CEP350: variants seen among roughly 807,000 people sequenced by gnomAD.
CEP350 encodes the protein centrosome-associated protein 350.
In CEP350, 126 loss-of-function variants were observed where a neutral mutation model predicts 331.8. The ratio of observed to expected loss-of-function variants is 0.38; its 90% CI spans 0.33 to 0.44. The LOEUF (loss-of-function observed/expected upper bound fraction) is 0.44. Among genes scored for constraint, CEP350 ranks in the 20% least tolerant of loss-of-function variants. CEP350 has a pLI of 1.00. For synonymous variants in CEP350, 1,200 were observed against 1,259.5 expected (o/e 0.95, Z 1.00); for missense variants, 3,406 against 3,634.6 (o/e 0.94, Z 1.62).
chr1:180,112,028 A>G lies in CEP350; in HGVS notation c.*867A>G, dbSNP rs1279955782. The stretch of plus-strand genomic sequence containing the variant: ...GGAAATAATTCATTTTGGCCTGCAA[A>G]CCTTCAACTCCCATCTTTCCCCAAG... On this transcript the variant is annotated 3_prime_UTR_variant, in exon 38 of 38. Transcript: ENST00000367607. The G allele has an allele frequency of 6.6e-6, 1 of 152,628 alleles. No homozygotes were observed. The allele number at this position is 152,628 out of a possible 1,614,324, so 9.5% of individuals were successfully genotyped here.
At chr1:180,057,217 G>C (rs1251703425) in intron 25 of CEP350, among the ~76,000 whole-genome samples, 2 of 151,450 alleles carry the variant, frequency 1.3e-5, no homozygotes, top group Non-Finnish European at 2.9e-5. Flanking sequence ...TCCTGCCTCA[G>C]CCTCCTGAGT....
At chr1:180,044,940 C>A (rs1657024367) in intron 21 of CEP350, among the ~76,000 whole-genome samples, 1 of 149,368 alleles carries the variant, frequency 6.7e-6, no homozygotes, top group South Asian at 2.1e-4. Flanking sequence ...AATAATGATA[C>A]ATCAAGGAAT....
At chr1:180,082,010 G>A (rs925587075) in intron 30 of CEP350, among the ~76,000 whole-genome samples, 2 of 152,164 alleles carry the variant, frequency 1.3e-5, no homozygotes, top group Admixed American at 6.5e-5. Context: ...TAACATGTCA[G>A]TAGACATAAA....
intron 1 of CEP350, 107 bp downstream of exon 1, chr1:179,955,249 C>T: frequency 9.2e-7 from 1 of 1,087,562 alleles, no homozygotes; most frequent in East Asian, 8.0e-5. Flanking sequence ...CGGGGCCGGG[C>T]GCGGAGAGTC....
At chr1:180,088,914 A>G (rs1032280069) in intron 32 of CEP350, among the ~76,000 whole-genome samples, 9 of 152,214 alleles carry the variant, frequency 5.9e-5, no homozygotes, top group African/African-American at 2.2e-4. Context: ...TTTAAATCAT[A>G]TCATACCCAA....
At chr1:180,064,635 T>A (rs575947777) in intron 26 of CEP350, among the ~76,000 whole-genome samples, 19 of 152,302 alleles carry the variant, frequency 1.2e-4, no homozygotes, top group African/African-American at 3.4e-4. Context: ...TTGAAAACAC[T>A]GTTTTGCATA....
At chr1:180,088,234 C>T (rs1028009791) in intron 32 of CEP350, among the ~76,000 whole-genome samples, 2 of 151,822 alleles carry the variant, frequency 1.3e-5, no homozygotes, top group African/African-American at 2.4e-5. Flanking sequence ...TCTCTGCAAG[C>T]GATGTAATAG....
In CEP350 at chr1:180,078,564, C is replaced by A; in HGVS notation, c.5869C>A (p.Pro1957Thr). Reference protein sequence around the residue: ...ELGSPAVEYVPSESIGQEQPG... With the variant: ...ELGSPAVEYVTSESIGQEQPG... ...AGGCAGCCCTGCTGTTGAATATGTA[C>A]CATCCGAGTCTATAGGACAGGAGCA... The change falls in exon 29 of 38, where the codon CCA (proline) becomes ACA (threonine). Residue 1957 changes from proline to threonine, a missense_variant. Physicochemically the swap from Pro to Thr is conservative, Grantham distance 38. Around this residue, in one of 5 missense-constraint regions of CEP350, gnomAD observed 1,415 missense variants for 1,512.3 expected, o/e 0.94. Coordinates refer to ENST00000367607, the MANE Select transcript of CEP350 (RefSeq NM_014810.5). 1.2e-6 allele frequency: 2 copies of A among 1,613,474 alleles called. No homozygotes were observed. The highest frequency in any genetic ancestry group is 8.5e-7 in the Non-Finnish European group (1 of 1,179,696).
In CEP350 at chr1:180,065,243, G is replaced by A. The variant is rs1401805144; in HGVS notation, c.5538G>A (p.Leu1846=). 1.4e-5 allele frequency: 23 copies of A among 1,611,262 alleles called. No individual in the cohort carries two copies. The highest frequency in any genetic ancestry group is 2.0e-5 in the Non-Finnish European group (23 of 1,179,234). The change falls in exon 27 of 38, where the codon CTG becomes CTA. Residue 1846 remains leucine, a synonymous_variant. Transcript: ENST00000367607. Reference sequence around the variant, plus strand: ...AAACTAGCAGCATTATGCAGAAACTGAAGAAAATGAGAAGCCGCATGGATG... The same window carrying A: ...AAACTAGCAGCATTATGCAGAAACTAAAGAAAATGAGAAGCCGCATGGATG... The part of the protein sequence containing the change: ...SSETSSIMQK[L]KKMRSRMDEK...
intron 30 of CEP350, among the ~76,000 whole-genome samples, chr1:180,081,800 TC>T (rs1659585386): frequency 6.6e-6 from 1 of 152,240 alleles, no homozygotes; most frequent in Non-Finnish European, 1.5e-5. Flanking sequence ...GTATGTGATA[TC>T]ATATATCATT....
At chr1:180,018,571 TC>T (rs2148825417) in intron 11 of CEP350, among the ~76,000 whole-genome samples, 1 of 152,306 alleles carries the variant, frequency 6.6e-6, no homozygotes, top group South Asian at 2.1e-4. Context: ...TAGTCTTTCT[TC>T]CTTCATTCTA....
chr1:180,035,554 AAATCT>A (rs1173191388), intron 16 of CEP350, among the ~76,000 whole-genome samples: 1 of 152,196 alleles, frequency 6.6e-6, no homozygotes, highest in Admixed American at 6.5e-5. Flanking sequence ...GAATTAAGCT[AAATCT>A]ACTCTGCCTG....
chr1:180,053,203 G>T, intron 23 of CEP350, 37 bp downstream of exon 23: 1 of 1,205,322 alleles, frequency 8.3e-7, no homozygotes, highest in Non-Finnish European at 1.1e-6. Context: ...AAATGGTTGT[G>T]GATATGTTCT....
intron 3 of CEP350, among the ~76,000 whole-genome samples, chr1:179,988,272 G>C (rs1260609026): frequency 6.6e-6 from 1 of 151,142 alleles, no homozygotes; most frequent in African/African-American, 2.4e-5. Context: ...ATTCTAGCCT[G>C]GGCGACAGAG....
intron 14 of CEP350, among the ~76,000 whole-genome samples, chr1:180,031,030 T>A (rs1655990978): frequency 6.6e-6 from 1 of 151,994 alleles, no homozygotes; most frequent in South Asian, 2.1e-4. Context: ...TAGGGATAGA[T>A]TAGTATTTTA....
chr1:179,961,035 A>G (rs1650567711), intron 1 of CEP350, among the ~76,000 whole-genome samples: 1 of 152,122 alleles, frequency 6.6e-6, no homozygotes, highest in African/African-American at 2.4e-5. Flanking sequence ...CCAAAGGTTG[A>G]TTTTTTACAT....
At chr1:180,044,975 A>G (rs1454609112) in intron 21 of CEP350, among the ~76,000 whole-genome samples, 1 of 151,900 alleles carries the variant, frequency 6.6e-6, no homozygotes, top group African/African-American at 2.4e-5. Flanking sequence ...TCTGCCTTCA[A>G]AGGCTGTGTT....
intron 14 of CEP350, among the ~76,000 whole-genome samples, chr1:180,029,819 C>CGAGAGT (rs1655897261): frequency 6.6e-6 from 1 of 152,164 alleles, no homozygotes; most frequent in Admixed American, 6.5e-5. Context: ...TCAATAATAA[C>CGAGAGT]TCTCATTCTC....
At chr1:180,064,064 C>T (rs1658399254) in intron 26 of CEP350, among the ~76,000 whole-genome samples, 1 of 152,192 alleles carries the variant, frequency 6.6e-6, no homozygotes, top group Admixed American at 6.5e-5. Flanking sequence ...GTGCCCTTCT[C>T]ATTCCACCTG....
Sources: allele counts gnomAD v4.1 joint callset (sites outside exome capture counted in the v4.1 genomes callset), GRCh38; gene constraint gnomAD v4.1.1; regional missense constraint gnomAD v4.1.1; transcripts MANE v1.5; gene names NCBI Gene and HGNC (gene_info 2026-07-23, HGNC 2026-07-21).